PLCE1: variants seen among roughly 807,000 people sequenced by gnomAD.
The protein encoded by PLCE1 is 1-phosphatidylinositol 4,5-bisphosphate phosphodiesterase epsilon-1.
In PLCE1, 119 loss-of-function variants were observed where a neutral mutation model predicts 242.8. The observed-to-expected ratio is 0.49, with a 90% CI of 0.42 to 0.57. The LOEUF is 0.57. Ranked by LOEUF, PLCE1 falls within the 20% of genes least tolerant of loss-of-function variation. The pLI is 0.00. For synonymous variants in PLCE1, 945 were observed against 1,017.4 expected (o/e 0.93, Z 1.35); for missense variants, 2,441 against 2,788.8 (o/e 0.88, Z 2.81).
chr10:94,257,079 C>A (rs1051232999), intron 11 of PLCE1, among the ~76,000 whole-genome samples: 1 of 152,228 alleles, frequency 6.6e-6, no homozygotes, highest in East Asian at 1.9e-4. Context: ...GGATCGACAA[C>A]CTACAACCTA....
intron 24 of PLCE1, among the ~76,000 whole-genome samples, chr10:94,299,637 C>T (rs1350996136): frequency 6.6e-6 from 1 of 152,238 alleles, no homozygotes; most frequent in Non-Finnish European, 1.5e-5. Flanking sequence ...CCAATCTCAT[C>T]TAACCATGCT....
At chr10:94,110,391 G>A (rs897520763) in intron 2 of PLCE1, among the ~76,000 whole-genome samples, 13 of 152,066 alleles carry the variant, frequency 8.5e-5, no homozygotes, top group African/African-American at 2.7e-4. Context: ...GGGTTGTCAA[G>A]GAAATAACCT....
chr10:94,188,616 T>C (rs993231534), intron 4 of PLCE1, among the ~76,000 whole-genome samples: 2 of 152,214 alleles, frequency 1.3e-5, no homozygotes, highest in Non-Finnish European at 2.9e-5. Context: ...TGTTTTGTTT[T>C]GCTTTTTAGA....
intron 4 of PLCE1, among the ~76,000 whole-genome samples, chr10:94,220,391 T>TC (rs2049695641): frequency 8.1e-6 from 1 of 122,910 alleles, no homozygotes; most frequent in African/African-American, 3.2e-5. Context: ...TATATATATA[T>TC]ATATATATAT....
At chr10:94,171,084 A>G in intron 3 of PLCE1, 96 bp from the exon 4 acceptor site, 1 of 1,047,304 alleles carries the variant, frequency 9.5e-7, no homozygotes. Flanking sequence ...GGATTTGGTT[A>G]AAGAACATAC....
chr10:94,310,245 G>A (rs1386146926), intron 27 of PLCE1, among the ~76,000 whole-genome samples: 1 of 152,178 alleles, frequency 6.6e-6, no homozygotes, highest in Non-Finnish European at 1.5e-5. Context: ...GGCTTCCACT[G>A]CCACTTTCTG....
chr10:94,006,352 CAT>C (rs2061036998), intron 1 of PLCE1, among the ~76,000 whole-genome samples: 1 of 152,172 alleles, frequency 6.6e-6, no homozygotes, highest in Admixed American at 6.5e-5. Context: ...GATTAAGAGA[CAT>C]GTGCTTTACC....
intron 20 of PLCE1, chr10:94,283,575 C>T: frequency 2.3e-6 from 1 of 440,312 alleles, no homozygotes. Flanking sequence ...GTGACAAAAA[C>T]TACTGGTAAA....
At chr10:94,045,497 A>G (rs958085591) in intron 2 of PLCE1, among the ~76,000 whole-genome samples, 1 of 152,204 alleles carries the variant, frequency 6.6e-6, no homozygotes, top group Non-Finnish European at 1.5e-5. Flanking sequence ...CCAAGGCCCT[A>G]GACAGGTGAA....
At chr10:94,105,474 G>C (rs541564710) in intron 2 of PLCE1, 1 of 152,322 alleles carries the variant, frequency 6.6e-6, no homozygotes, top group South Asian at 2.1e-4. Context: ...TTGACTGATA[G>C]CGCCTCCCCA....
At chr10:94,065,248 A>G (rs548222334) in intron 2 of PLCE1, among the ~76,000 whole-genome samples, 8 of 152,062 alleles carry the variant, frequency 5.3e-5, no homozygotes, top group Non-Finnish European at 8.8e-5. Context: ...CTGTCCACCA[A>G]TTTGGTCCCA....
At chr10:94,172,171 AC>A (rs2048004377) in intron 4 of PLCE1, among the ~76,000 whole-genome samples, 1 of 152,184 alleles carries the variant, frequency 6.6e-6, no homozygotes, top group Non-Finnish European at 1.5e-5. Context: ...ATCAAGAGCC[AC>A]TGGCTGACAT....
intron 2 of PLCE1, among the ~76,000 whole-genome samples, chr10:94,070,065 T>C (rs1287379498): frequency 6.6e-6 from 1 of 152,136 alleles, no homozygotes; most frequent in Non-Finnish European, 1.5e-5. Context: ...GGTTGGCTAG[T>C]CTCCAAGGAG....
chr10:94,259,311 TCTCA>T (rs1453729113), intron 13 of PLCE1, among the ~76,000 whole-genome samples, 161 bp downstream of exon 13: 6 of 149,470 alleles, frequency 4.0e-5, no homozygotes, highest in African/African-American at 1.5e-4. Context: ...TGAGATGCAG[TCTCA>T]CTCTGTAGCC....
At chr10:94,017,066 C>T (rs988661527) in intron 1 of PLCE1, among the ~76,000 whole-genome samples, 2 of 152,176 alleles carry the variant, frequency 1.3e-5, no homozygotes, top group Non-Finnish European at 2.9e-5. Flanking sequence ...CTCCATCCCC[C>T]ACACCTGCAT....
intron 3 of PLCE1, among the ~76,000 whole-genome samples, chr10:94,169,094 G>T (rs1039845863): frequency 7.9e-5 from 12 of 152,120 alleles, no homozygotes; most frequent in African/African-American, 2.2e-4. Flanking sequence ...TGGTCCAAAA[G>T]ATGTATTAAA....
chr10:94,325,153 C>T, intron 32 of PLCE1, 49 bp downstream of exon 32: 1 of 1,299,126 alleles, frequency 7.7e-7, no homozygotes, highest in South Asian at 1.2e-5. Flanking sequence ...ACTTAAACTA[C>T]TTTGTAAGGA....
intron 20 of PLCE1, chr10:94,283,219 A>G (rs2052311301): frequency 6.5e-6 from 1 of 153,088 alleles, no homozygotes. Context: ...TATGATTATC[A>G]CTTAGTAAAT....
At chr10:94,221,502 C>T (rs777844245) in intron 4 of PLCE1, among the ~76,000 whole-genome samples, 81 of 152,132 alleles carry the variant, frequency 5.3e-4, no homozygotes, top group African/African-American at 1.8e-3. Flanking sequence ...TTTGGGAGGC[C>T]GAGGTGGGTG....
Sources: allele counts gnomAD v4.1 joint callset (sites outside exome capture counted in the v4.1 genomes callset), GRCh38; gene constraint gnomAD v4.1.1; transcripts MANE v1.5; gene names NCBI Gene and HGNC (gene_info 2026-07-23, HGNC 2026-07-21).